SH3BP2: variants seen among roughly 807,000 people sequenced by gnomAD.
SH3BP2 encodes the protein SH3 domain binding protein 2.
Under a neutral mutation model 56.2 loss-of-function variants are expected in SH3BP2, and 38 were observed. The observed-to-expected ratio is 0.68, with a 90% CI of 0.52 to 0.89. SH3BP2 has a LOEUF of 0.89. Among genes scored for constraint, SH3BP2 ranks in the 40% least tolerant of loss-of-function variants. The pLI is 0.00. For missense variants in SH3BP2, 748 were observed against 762.6 expected (o/e 0.98, Z 0.23); for synonymous variants, 346 against 316.7 (o/e 1.09, Z -0.98).
chr4:2,820,879 T>C, intron 2 of SH3BP2, 126 bp downstream of exon 2: 2 of 1,142,896 alleles, frequency 1.7e-6, no homozygotes, highest in Non-Finnish European at 2.4e-6. Context: ...TCCCATTCCC[T>C]CTCTGGTGGC....
Position 2,824,612 on chromosome 4 carries a change from G to C in SH3BP2, c.240-1G>C. On this transcript the variant is annotated splice_acceptor_variant, in intron 3 of 12. Coordinates refer to ENST00000503393, the MANE Select transcript of SH3BP2 (RefSeq NM_001122681.2). LOFTEE classifies it high-confidence loss of function. ...CGTGACCCCTGGCGCTGTGCCCCCA[G>C]GGTGATGCGGGCGGCTGAGGAGACC... is the stretch of plus-strand genomic sequence containing the variant. 6.2e-7 allele frequency: 1 copy of C among 1,611,532 alleles called. No homozygotes were observed. The highest frequency in any genetic ancestry group is 8.5e-7 in the Non-Finnish European group (1 of 1,178,284).
At chr4:2,825,400 G>A (rs1577360548) in intron 5 of SH3BP2, among the ~76,000 whole-genome samples, 4 of 151,016 alleles carry the variant, frequency 2.6e-5, no homozygotes, top group Admixed American at 1.3e-4. Flanking sequence ...ACACACAGAC[G>A]AGCGACACGC....
intron 1 of SH3BP2, chr4:2,818,947 T>C: frequency 1.0e-6 from 1 of 970,792 alleles, no homozygotes; most frequent in Non-Finnish European, 1.2e-6. Flanking sequence ...TTGTTTTTAA[T>C]TTTTTAATTT....
chr4:2,832,831 C>T (rs1409891973), intron 11 of SH3BP2, among the ~76,000 whole-genome samples, 159 bp from the exon 12 acceptor site: 2 of 152,178 alleles, frequency 1.3e-5, no homozygotes, highest in Admixed American at 6.5e-5. Context: ...GTGTCGCCCC[C>T]GCTGTCCTTG....
intron 12 of SH3BP2, chr4:2,833,455 C>G: frequency 4.9e-6 from 3 of 609,794 alleles, no homozygotes; most frequent in Non-Finnish European, 8.7e-6. Context: ...CATTTCCTGA[C>G]CTTGTCTGAA....
In SH3BP2 at chr4:2,799,101, C is replaced by G. The variant is rs1263098649; in HGVS notation, c.-5+5963C>G. ...TGCAGCCTCAGCCTCCACCCGCCACCCGTACCCGCCCTGCCTCAGGACTTC... is the reference window on the plus strand; with the variant it reads ...TGCAGCCTCAGCCTCCACCCGCCACGCGTACCCGCCCTGCCTCAGGACTTC... On this transcript the variant is annotated intron_variant, in intron 1 of 12. Transcript: ENST00000503393. 1.4e-5 allele frequency: 14 copies of G among 985,452 alleles called. No homozygotes were observed. The Admixed American group carries it at 8.6e-4, about 61-fold the overall frequency. 61.0% of individuals were successfully genotyped at this position (985,452 alleles called of 1,614,324 possible).
intron 5 of SH3BP2, 52 bp downstream of exon 5, chr4:2,825,248 G>A (rs987630488): frequency 6.9e-7 from 1 of 1,453,498 alleles, no homozygotes; most frequent in Non-Finnish European, 9.5e-7. Context: ...GGGGCGCCTG[G>A]GCCTGACCCG....
At position 2,819,267 on chromosome 4, in the gene SH3BP2, T is replaced by C. The variant is rs540242619; in HGVS notation, c.-4-1347T>C. Among the ~76,000 whole-genome samples, 259 of 152,318 alleles carry C rather than the reference T, an allele frequency of 1.7e-3. 3 individuals carry two copies. The highest frequency in any genetic ancestry group is 5.9e-3 in the African/African-American group (246 of 41,562). ...CAGTGTCTCACTTTGTTGCCCAGGC[T>C]GGAGTGCAGTGGTACGATCATAGAC... On this transcript the variant is annotated intron_variant, in intron 1 of 12. Coordinates refer to ENST00000503393, the MANE Select transcript of SH3BP2 (RefSeq NM_001122681.2).
chr4:2,819,389 T>TA (rs202043388), intron 1 of SH3BP2, among the ~76,000 whole-genome samples: 20 of 151,924 alleles, frequency 1.3e-4, no homozygotes, highest in Non-Finnish European at 1.6e-4. Context: ...CCTGACTAAT[T>TA]AAAAAAAAAT....
chr4:2,794,439 C>T (rs1425196474), intron 1 of SH3BP2, among the ~76,000 whole-genome samples: 1 of 151,624 alleles, frequency 6.6e-6, no homozygotes, highest in Non-Finnish European at 1.5e-5. Flanking sequence ...CTCAGGGCCC[C>T]ACTCCAGGCA....
At chr4:2,827,380 G>T (rs748875242) in intron 6 of SH3BP2, 62 bp downstream of exon 6, 6 of 1,453,340 alleles carry the variant, frequency 4.1e-6, no homozygotes, top group African/African-American at 1.4e-5. Context: ...CCTCTTGGCC[G>T]CTGTGGAGGA....
intron 1 of SH3BP2, among the ~76,000 whole-genome samples, chr4:2,803,248 G>C (rs142892581): frequency 6.6e-6 from 1 of 152,304 alleles, no homozygotes; most frequent in South Asian, 2.1e-4. Context: ...GTTGGCTCTG[G>C]GTGGGAGCAG....
chr4:2,801,235 C>G (rs1723269497), intron 1 of SH3BP2, among the ~76,000 whole-genome samples: 1 of 151,730 alleles, frequency 6.6e-6, no homozygotes, highest in South Asian at 2.1e-4. Flanking sequence ...CCTCTCTGAA[C>G]AGTGGAGCGT....
intron 2 of SH3BP2, among the ~76,000 whole-genome samples, chr4:2,822,386 TTA>T (rs1724357491): frequency 6.6e-6 from 1 of 152,128 alleles, no homozygotes; most frequent in Admixed American, 6.5e-5. Flanking sequence ...TCTTTTATTT[TTA>T]GAGACAGTCT....
At chr4:2,824,815 TG>T (rs1724509238) in intron 4 of SH3BP2, 85 bp downstream of exon 4, 6 of 1,064,842 alleles carry the variant, frequency 5.6e-6, no homozygotes, top group Non-Finnish European at 8.7e-6. Context: ...GGGGGCTCGC[TG>T]GTCCTGGGGC....
At chr4:2,806,526 G>A (rs1046367460) in intron 1 of SH3BP2, among the ~76,000 whole-genome samples, 2 of 152,208 alleles carry the variant, frequency 1.3e-5, no homozygotes, top group Non-Finnish European at 2.9e-5. Flanking sequence ...ACTGGAGAGT[G>A]GCTCCAGGCG....
intron 3 of SH3BP2, chr4:2,823,568 A>G (rs1250562028): frequency 4.4e-6 from 2 of 455,390 alleles, no homozygotes; most frequent in Non-Finnish European, 8.8e-6. Flanking sequence ...CTGCACTAAC[A>G]GGCAGGTGGG....
chr4:2,795,774 G>A (rs1723040819), intron 1 of SH3BP2, among the ~76,000 whole-genome samples: 1 of 152,180 alleles, frequency 6.6e-6, no homozygotes, highest in African/African-American at 2.4e-5. Context: ...GCCTTTGCAT[G>A]CCAGGTGTGG....
intron 1 of SH3BP2, chr4:2,818,727 G>A: frequency 2.0e-6 from 2 of 992,146 alleles, no homozygotes; most frequent in Non-Finnish European, 2.4e-6. Context: ...CTTGGCCTGT[G>A]GTTGGGGGTC....
Sources: allele counts gnomAD v4.1 joint callset (sites outside exome capture counted in the v4.1 genomes callset), GRCh38; gene constraint gnomAD v4.1.1; transcripts MANE v1.5; gene names NCBI Gene and HGNC (gene_info 2026-07-23, HGNC 2026-07-21).